Variants in PARD3B observed in about 807,000 individuals in gnomAD.
PARD3B encodes the protein par-3 family cell polarity regulator beta.
A neutral mutation model predicts 130.2 loss-of-function variants in PARD3B; 103 were observed. That is an observed-to-expected ratio of 0.79 (90% CI 0.67 to 0.93). The LOEUF (loss-of-function observed/expected upper bound fraction) is 0.93. Ranked by LOEUF, PARD3B falls within the 40% of genes least tolerant of loss-of-function variation. PARD3B has a pLI of 0.00. For synonymous variants in PARD3B, 583 were observed against 553.2 expected, an observed-to-expected ratio of 1.05 and a Z score of -0.76; for missense variants, 1,609 against 1,499.2, an observed-to-expected ratio of 1.07 and a Z score of -1.21.
chr2:204,780,924 G>T (rs980187634), intron 2 of PARD3B, among the ~76,000 whole-genome samples: 5 of 151,818 alleles, frequency 3.3e-5, no homozygotes, highest in African/African-American at 1.2e-4. Context: ...TGTGAAGCTC[G>T]GCAAGGATTG....
At chr2:204,855,859 A>G (rs1038750237) in intron 2 of PARD3B, among the ~76,000 whole-genome samples, 1 of 152,064 alleles carries the variant, frequency 6.6e-6, no homozygotes, top group Non-Finnish European at 1.5e-5. Flanking sequence ...AGTTCCATCT[A>G]TGTTGTCCCA....
At chr2:204,698,395 A>G (rs2037718601) in intron 2 of PARD3B, among the ~76,000 whole-genome samples, 1 of 152,120 alleles carries the variant, frequency 6.6e-6, no homozygotes, top group African/African-American at 2.4e-5. Flanking sequence ...AAAGAATTAC[A>G]CATCTTAAAA....
chr2:204,785,889 G>A (rs947469166), intron 2 of PARD3B, among the ~76,000 whole-genome samples: 17 of 152,090 alleles, frequency 1.1e-4, no homozygotes, highest in African/African-American at 4.1e-4. Flanking sequence ...CAAGGCAGGA[G>A]AATCATGAGG....
At chr2:204,977,281 A>T (rs891227760) in intron 3 of PARD3B, among the ~76,000 whole-genome samples, 2 of 152,148 alleles carry the variant, frequency 1.3e-5, no homozygotes, top group African/African-American at 2.4e-5. Context: ...TATGGTTCAC[A>T]AGAATTTTCT....
At position 204,771,318 on chromosome 2, in the gene PARD3B, A is replaced by G. The variant is rs77984907; in HGVS notation, c.222+85036A>G. Among the ~76,000 whole-genome samples the G allele has an allele frequency of 1.2e-3, 189 of 152,214 alleles. 3 individuals are homozygous for G. The East Asian group carries it at 0.035, about 28-fold the overall frequency. ...TAGTATCTATGAATTATCTGCACCCAAGCTGATGAGGTGTGGTGACCACAG... is the reference window on the plus strand; with the variant it reads ...TAGTATCTATGAATTATCTGCACCCGAGCTGATGAGGTGTGGTGACCACAG... On this transcript the variant is annotated intron_variant, in intron 2 of 22. Coordinates refer to ENST00000406610, the MANE Select transcript of PARD3B (RefSeq NM_001302769.2).
At chr2:205,118,874 G>C (rs114862027) in intron 6 of PARD3B, 47 bp from the exon 7 acceptor site, 43 of 1,252,076 alleles carry the variant, frequency 3.4e-5, no homozygotes, top group Admixed American at 3.2e-4. Flanking sequence ...GAAATAATTA[G>C]CATTTATTAT....
At chr2:205,551,027 A>G (rs2052622876) in intron 21 of PARD3B, among the ~76,000 whole-genome samples, 1 of 148,182 alleles carries the variant, frequency 6.7e-6, no homozygotes, top group Non-Finnish European at 1.5e-5. Context: ...GAGGCACCAG[A>G]ACAGTAACAG....
intron 19 of PARD3B, among the ~76,000 whole-genome samples, chr2:205,438,330 T>C (rs1032830817): frequency 2.4e-4 from 36 of 152,212 alleles, no homozygotes; most frequent in Non-Finnish European, 4.6e-4. Flanking sequence ...ACCAGTGTTC[T>C]ATTTCTGTGA....
At chr2:205,570,356 A>G (rs1297167154) in intron 22 of PARD3B, among the ~76,000 whole-genome samples, 2 of 152,206 alleles carry the variant, frequency 1.3e-5, no homozygotes, top group Non-Finnish European at 1.5e-5. Flanking sequence ...TCCTCACATT[A>G]TAGTTCCTAT....
At chr2:204,712,187 A>T (rs1241270007) in intron 2 of PARD3B, among the ~76,000 whole-genome samples, 1 of 152,248 alleles carries the variant, frequency 6.6e-6, no homozygotes, top group African/African-American at 2.4e-5. Context: ...GAAAATGATT[A>T]ACAAAAATCT....
chr2:205,387,874 C>T (rs576640486), intron 18 of PARD3B, among the ~76,000 whole-genome samples: 29 of 152,252 alleles, frequency 1.9e-4, no homozygotes, highest in Non-Finnish European at 3.4e-4. Context: ...CTTCCAGAGC[C>T]GTTCAGAAAC....
intron 16 of PARD3B, among the ~76,000 whole-genome samples, chr2:205,250,347 GTTC>G (rs886384369): frequency 2.6e-5 from 4 of 152,018 alleles, no homozygotes; most frequent in African/African-American, 9.7e-5. Context: ...AGGCCGATGA[GTTC>G]TTCTTTATGA....
chr2:205,600,512 T>G (rs2054743051), intron 22 of PARD3B, among the ~76,000 whole-genome samples: 1 of 152,214 alleles, frequency 6.6e-6, no homozygotes, highest in Admixed American at 6.6e-5. Flanking sequence ...AGGTTTAGTC[T>G]TTTAAGTTCT....
intron 2 of PARD3B, among the ~76,000 whole-genome samples, chr2:204,796,305 A>C (rs1457952915): frequency 3.3e-5 from 5 of 152,224 alleles, no homozygotes; most frequent in Non-Finnish European, 7.3e-5. Flanking sequence ...ATAAGCAGGG[A>C]AAATATCATA....
intron 3 of PARD3B, among the ~76,000 whole-genome samples, chr2:205,046,123 A>G (rs189241951): frequency 3.0e-4 from 45 of 152,268 alleles, no homozygotes; most frequent in Admixed American, 8.5e-4. Context: ...GTTGCTGGTA[A>G]TTGAGGGGCT....
intron 1 of PARD3B, among the ~76,000 whole-genome samples, chr2:204,547,004 A>T (rs1308070032): frequency 6.6e-6 from 1 of 152,206 alleles, no homozygotes; most frequent in African/African-American, 2.4e-5. Flanking sequence ...CTTCACATGG[A>T]ACATTTTGTA....
chr2:205,068,740 G>T (rs941154994), intron 4 of PARD3B, among the ~76,000 whole-genome samples: 3 of 152,060 alleles, frequency 2.0e-5, no homozygotes, highest in Admixed American at 6.6e-5. Context: ...ATTTTCATTT[G>T]CCTTTCATTT....
intron 2 of PARD3B, among the ~76,000 whole-genome samples, chr2:204,832,231 A>G (rs1302544755): frequency 1.3e-5 from 2 of 151,502 alleles, no homozygotes; most frequent in Non-Finnish European, 2.9e-5. Flanking sequence ...GTCTCAAAAA[A>G]CAAACAAACA....
intron 21 of PARD3B, among the ~76,000 whole-genome samples, chr2:205,534,053 G>A (rs376789841): frequency 3.4e-4 from 29 of 84,562 alleles, no homozygotes; most frequent in Middle Eastern, 0.013. Flanking sequence ...AAGTGAAAAA[G>A]CCAAAAAAAA....
Sources: gnomAD v4.1 joint callset for allele counts (sites outside exome capture counted in the v4.1 genomes callset) on GRCh38, gnomAD v4.1.1 for gene constraint, MANE v1.5 for transcripts, NCBI Gene and HGNC (gene_info 2026-07-23, HGNC 2026-07-21) for gene names.